Variants in IQSEC1 observed in about 807,000 individuals in gnomAD.
IQSEC1 encodes IQ motif and SEC7 domain-containing protein 1.
Under a neutral mutation model 91.0 loss-of-function variants are expected in IQSEC1, and 31 were observed. The observed-to-expected ratio is 0.34, with a 90% CI of 0.26 to 0.46. The LOEUF (loss-of-function observed/expected upper bound fraction) is 0.46. Among genes scored for constraint, IQSEC1 ranks in the 20% least tolerant of loss-of-function variants. The pLI is 1.00. For missense variants in IQSEC1, 1,388 were observed against 1,575.6 expected (o/e 0.88, Z 2.02); for synonymous variants, 699 against 662.6 (o/e 1.05, Z -0.84).
chr3:12,932,781 C>T (rs898738153), intron 3 of IQSEC1, among the ~76,000 whole-genome samples: 1 of 152,192 alleles, frequency 6.6e-6, no homozygotes, highest in African/African-American at 2.4e-5. Flanking sequence ...CTGCCTCTGG[C>T]TCCTGCACCC....
chr3:12,908,554 G>T lies in IQSEC1; in HGVS notation c.2579-29C>A. 6.2e-7 allele frequency: 1 copy of T among 1,612,760 alleles called. No homozygotes were observed. Among genetic ancestry groups the T allele is most frequent in the South Asian group, 1.1e-5 (1 of 91,028 alleles). On this transcript the variant is annotated intron_variant, in intron 11 of 13. Coordinates refer to ENST00000613206, the MANE Select transcript of IQSEC1 (RefSeq NM_001134382.3). The surrounding 1 kb of genome is among the most constrained non-coding windows in gnomAD (Gnocchi z 4.9). The stretch of plus-strand genomic sequence containing the variant: ...GAACAGAGAGGGTGAGGGTCCTGGT[G>T]AGAGGAGCACAGCCTAGAGTGGGCA...
At chr3:13,244,216 A>G (rs1321957946) in intron 1 of IQSEC1, among the ~76,000 whole-genome samples, 5 of 152,030 alleles carry the variant, frequency 3.3e-5, no homozygotes, top group Admixed American at 1.3e-4. Context: ...TTTTTGAGAC[A>G]CAGTCTTGCT....
chr3:13,077,445 T>A (rs1473161181), upstream of IQSEC1, among the ~76,000 whole-genome samples: 2 of 152,252 alleles, frequency 1.3e-5, no homozygotes, highest in African/African-American at 4.8e-5. Flanking sequence ...TGCACGTTTT[T>A]AAACTTTACA....
intron 2 of IQSEC1, among the ~76,000 whole-genome samples, chr3:12,938,902 C>T (rs1443751849): frequency 6.6e-6 from 1 of 152,220 alleles, no homozygotes; most frequent in East Asian, 1.9e-4. Flanking sequence ...CCTGGCAGTT[C>T]CTCCCCCAGG....
chr3:13,004,875 C>T (rs1702570254), intron 1 of IQSEC1, among the ~76,000 whole-genome samples: 2 of 152,296 alleles, frequency 1.3e-5, no homozygotes, highest in African/African-American at 2.4e-5. Flanking sequence ...AAGCCCTTGA[C>T]TCCTGGGAGC....
At chr3:12,977,370 T>C (rs912416482) in intron 1 of IQSEC1, among the ~76,000 whole-genome samples, 2 of 148,202 alleles carry the variant, frequency 1.3e-5, no homozygotes, top group African/African-American at 2.5e-5. Flanking sequence ...AAAAAAGCGC[T>C]ATCCCGTTGG....
At chr3:13,281,021 T>G (rs111984982) in intron 1 of IQSEC1, among the ~76,000 whole-genome samples, 207 of 152,356 alleles carry the variant, frequency 1.4e-3, no homozygotes, top group African/African-American at 4.2e-3. Context: ...AGCATCCTCC[T>G]GTCCCCTGCG....
At chr3:13,067,358 C>A (rs918494482) in intron 1 of IQSEC1, among the ~76,000 whole-genome samples, 1 of 152,220 alleles carries the variant, frequency 6.6e-6, no homozygotes, top group African/African-American at 2.4e-5. Flanking sequence ...CCAGGAGCAA[C>A]GCCTCCTAAG....
chr3:13,175,340 A>G (rs1448428645), intron 1 of IQSEC1, among the ~76,000 whole-genome samples: 1 of 152,158 alleles, frequency 6.6e-6, no homozygotes, highest in African/African-American at 2.4e-5. Flanking sequence ...CAAATGCCCA[A>G]TTAGCTATGA....
chr3:13,223,487 G>A (rs1329938762), intron 1 of IQSEC1, among the ~76,000 whole-genome samples: 1 of 152,168 alleles, frequency 6.6e-6, no homozygotes, highest in Admixed American at 6.5e-5. Context: ...GAGTCCTTGA[G>A]GCAGAACTCC....
intron 1 of IQSEC1, among the ~76,000 whole-genome samples, chr3:13,034,850 G>T (rs978961393): frequency 1.3e-5 from 2 of 152,216 alleles, no homozygotes; most frequent in African/African-American, 4.8e-5. Context: ...CCATCGCAGG[G>T]AATACAGGCC....
chr3:12,902,665 A>C (rs1694467291), intron 13 of IQSEC1, 108 bp downstream of exon 13: 13 of 543,642 alleles, frequency 2.4e-5, no homozygotes, highest in Non-Finnish European at 4.4e-5. Flanking sequence ...CAACAAAAAA[A>C]AAACCAAAAA....
intron 2 of IQSEC1, among the ~76,000 whole-genome samples, chr3:13,147,093 G>A (rs984179656): frequency 4.6e-5 from 7 of 152,234 alleles, no homozygotes; most frequent in Non-Finnish European, 8.8e-5. Flanking sequence ...GGTAATGGCA[G>A]GAGAGCCCAG....
At chr3:12,952,649 C>A (rs1699629055) in intron 1 of IQSEC1, among the ~76,000 whole-genome samples, 4 of 152,312 alleles carry the variant, frequency 2.6e-5, no homozygotes, top group African/African-American at 9.6e-5. Flanking sequence ...CTCCTCTGAA[C>A]CCCCTGGCCA....
At chr3:13,245,807 G>A (rs1016664451) in intron 1 of IQSEC1, among the ~76,000 whole-genome samples, 1 of 151,904 alleles carries the variant, frequency 6.6e-6, no homozygotes, top group Non-Finnish European at 1.5e-5. Context: ...GCAGGGTGGG[G>A]AAGTGAAGCC....
chr3:12,994,481 C>G lies in IQSEC1; in HGVS notation c.24-52616G>C, dbSNP rs78815683. 0.012 allele frequency among the ~76,000 whole-genome samples: 1,754 copies of G among 152,140 alleles called. 31 individuals carry two copies. The highest frequency in any genetic ancestry group is 0.04 in the African/African-American group (1,653 of 41,494). On this transcript the variant is annotated intron_variant, in intron 1 of 13. Transcript: ENST00000613206. This position sits in a 1 kb window ranked among gnomAD's most constrained non-coding sequence, Gnocchi z 4.5. ...TCAGGAGAGCGGGGTACGCGGGGTC[C>G]AGGCGCGGAACCGGGGGCACTGCGA...
intron 1 of IQSEC1, among the ~76,000 whole-genome samples, chr3:13,028,899 A>G (rs1576188074): frequency 1.3e-5 from 2 of 152,368 alleles, no homozygotes; most frequent in East Asian, 3.9e-4. Flanking sequence ...ACTCCGGATC[A>G]GAAGTCCTGA....
chr3:13,192,812 C>G (rs532686222), intron 1 of IQSEC1, among the ~76,000 whole-genome samples: 1 of 152,258 alleles, frequency 6.6e-6, no homozygotes, highest in Non-Finnish European at 1.5e-5. Context: ...TCCTCTCCCA[C>G]GTAGGGCTTG....
At chr3:13,174,458 G>A (rs528550015) in intron 1 of IQSEC1, among the ~76,000 whole-genome samples, 1 of 152,252 alleles carries the variant, frequency 6.6e-6, no homozygotes, top group East Asian at 1.9e-4. Flanking sequence ...TGGCCCAGCT[G>A]ACCCCCATGG....
Sources: allele counts gnomAD v4.1 joint callset (sites outside exome capture counted in the v4.1 genomes callset), GRCh38; gene constraint gnomAD v4.1.1; non-coding constraint Gnocchi (gnomAD v3.1); transcripts MANE v1.5; gene names NCBI Gene and HGNC (gene_info 2026-07-23, HGNC 2026-07-21).